Variants in STXBP5L observed in about 807,000 individuals in gnomAD.
STXBP5L encodes the protein syntaxin-binding protein 5-like.
In STXBP5L, 65 loss-of-function variants were observed where a neutral mutation model predicts 144.5. The ratio of observed to expected loss-of-function variants is 0.45; its 90% CI spans 0.37 to 0.55. The LOEUF (loss-of-function observed/expected upper bound fraction) is 0.55. STXBP5L is among the 20% of genes least tolerant of loss of function. STXBP5L has a pLI of 0.00. For missense variants in STXBP5L, 1,298 were observed against 1,405.5 expected (o/e 0.92, Z 1.22); for synonymous variants, 505 against 469.6 (o/e 1.08, Z -0.97).
intron 5 of STXBP5L, among the ~76,000 whole-genome samples, chr3:121,094,755 G>T (rs1017768457): frequency 2.6e-5 from 4 of 152,076 alleles, no homozygotes; most frequent in Non-Finnish European, 5.9e-5. Flanking sequence ...TTTAATTGGA[G>T]CATGTAGTCC....
intron 3 of STXBP5L, among the ~76,000 whole-genome samples, chr3:121,005,234 T>G (rs1315446485): frequency 2.0e-5 from 3 of 152,172 alleles, no homozygotes; most frequent in African/African-American, 7.2e-5. Flanking sequence ...TCAGAGCCTG[T>G]TTTTGGTCTA....
intron 9 of STXBP5L, chr3:121,158,868 T>C (rs1011028777): frequency 2.6e-5 from 4 of 152,218 alleles, no homozygotes; most frequent in African/African-American, 9.6e-5. Context: ...TTGATACTTT[T>C]ATTTTTTTTA....
At chr3:120,921,872 G>A (rs1709374873) in intron 2 of STXBP5L, among the ~76,000 whole-genome samples, 1 of 151,990 alleles carries the variant, frequency 6.6e-6, no homozygotes, top group South Asian at 2.1e-4. Context: ...CTTTAGGTCT[G>A]TAGTATATTT....
chr3:120,989,412 A>T (rs1267314002), intron 3 of STXBP5L, among the ~76,000 whole-genome samples: 1 of 152,012 alleles, frequency 6.6e-6, no homozygotes, highest in Non-Finnish European at 1.5e-5. Flanking sequence ...TCATATGTTT[A>T]TTCGCAATTT....
At chr3:121,354,317 A>C (rs1010653814) in intron 20 of STXBP5L, among the ~76,000 whole-genome samples, 27 of 152,080 alleles carry the variant, frequency 1.8e-4, no homozygotes, top group African/African-American at 6.5e-4. Flanking sequence ...TGGGAGCCTA[A>C]GTCTCTTTGT....
In STXBP5L at chr3:121,045,514, C is replaced by G. The variant is rs1947454841; in HGVS notation, c.449C>G (p.Ser150Cys). The G allele has an allele frequency of 6.2e-7, 1 of 1,612,306 alleles. No homozygotes were observed. Among genetic ancestry groups the G allele is most frequent in the Non-Finnish European group, 8.5e-7 (1 of 1,179,182 alleles). Residue 150 changes from serine to cysteine, a missense_variant, in exon 5 of 27, where the codon TCT becomes TGT. Coordinates refer to ENST00000471454, the MANE Select transcript of STXBP5L (RefSeq NM_001308330.2). ...LRQKRPAILH[S>C]LKFNRERITY... ...CAAAAAAGGCCAGCCATACTCCATTCTCTTAAATTTAACCGGGAACGGTAA... is the reference window on the plus strand; with the variant it reads ...CAAAAAAGGCCAGCCATACTCCATTGTCTTAAATTTAACCGGGAACGGTAA...
intron 20 of STXBP5L, among the ~76,000 whole-genome samples, chr3:121,351,999 T>G (rs1015056206): frequency 1.2e-4 from 19 of 152,240 alleles, no homozygotes; most frequent in Non-Finnish European, 2.4e-4. Context: ...ATTGTAGATG[T>G]GTAGTGTTAT....
At chr3:121,258,720 A>G (rs2050289520) in intron 17 of STXBP5L, among the ~76,000 whole-genome samples, 1 of 152,150 alleles carries the variant, frequency 6.6e-6, no homozygotes, top group Non-Finnish European at 1.5e-5. Flanking sequence ...TATAACTGAT[A>G]TATATGTAAC....
rs550793910 is a variant in STXBP5L at position 121,309,139 on chromosome 3, G to A, written c.2111-9336G>A. On this transcript the variant is annotated intron_variant, in intron 19 of 26. Transcript: ENST00000471454. ...GAGAAAACCAAAAGGAAAATGACAA[G>A]TGTAACCCAACTATATCAATAATAT... Among the ~76,000 whole-genome samples, 14 of 152,020 alleles carry A rather than the reference G, an allele frequency of 9.2e-5. No individual in the cohort carries two copies. In the South Asian group the frequency reaches 1.9e-3, roughly 20 times the overall value.
intron 3 of STXBP5L, among the ~76,000 whole-genome samples, chr3:120,963,087 G>T (rs1163398505): frequency 1.3e-5 from 2 of 152,146 alleles, no homozygotes; most frequent in African/African-American, 2.4e-5. Flanking sequence ...GTCTGTTAAT[G>T]GTGTATAAGA....
chr3:121,421,002 T>C lies in STXBP5L; in HGVS notation c.*1905T>C, dbSNP rs191598300. On this transcript the variant is annotated 3_prime_UTR_variant, in exon 27 of 27. Coordinates refer to ENST00000471454, the MANE Select transcript of STXBP5L (RefSeq NM_001308330.2). ...CAGACTCCTGTGAACAGCCTTACGG[T>C]AACAGAATCTGGCTTGGAAACACAG... is the stretch of plus-strand genomic sequence containing the variant. 8 of 152,128 alleles carry C rather than the reference T, an allele frequency of 5.3e-5. No homozygotes were observed. The East Asian group carries it at 1.5e-3, about 29-fold the overall frequency. 9.4% of individuals were successfully genotyped at this position (152,128 alleles called of 1,614,324 possible).
rs369995463 is a variant in STXBP5L, at chr3:120,959,521, G to C, written c.287+4484G>C. Among the ~76,000 whole-genome samples the C allele has an allele frequency of 5.3e-5, 8 of 151,998 alleles. No homozygotes were observed. In the East Asian group the frequency reaches 5.8e-4, roughly 11 times the overall value. On this transcript the variant is annotated intron_variant, in intron 3 of 26. Transcript: ENST00000471454. ...AAACTATACTACAAGGCTACAGTAA[G>C]CAAAACAGCATGGTACTGGTACCAA...
chr3:121,103,769 G>A (rs1447088705), intron 5 of STXBP5L, among the ~76,000 whole-genome samples: 1 of 152,076 alleles, frequency 6.6e-6, no homozygotes, highest in African/African-American at 2.4e-5. Context: ...GACTTCTGTT[G>A]GTTAAGAGAA....
intron 9 of STXBP5L, among the ~76,000 whole-genome samples, chr3:121,189,061 CCA>C (rs973164329): frequency 6.6e-6 from 1 of 152,124 alleles, no homozygotes; most frequent in Non-Finnish European, 1.5e-5. Context: ...TTAGAAAACC[CCA>C]TTGTCTTCAC....
intron 3 of STXBP5L, among the ~76,000 whole-genome samples, chr3:120,989,994 A>G (rs1317217492): frequency 6.6e-6 from 1 of 152,156 alleles, no homozygotes; most frequent in South Asian, 2.1e-4. Flanking sequence ...AGGGTATTCA[A>G]TTAGGAAACG....
chr3:121,345,215 T>C (rs1046078230), intron 20 of STXBP5L, among the ~76,000 whole-genome samples: 8 of 152,028 alleles, frequency 5.3e-5, no homozygotes, highest in Non-Finnish European at 8.8e-5. Flanking sequence ...TGTATCCAAG[T>C]GATCTCATTG....
At chr3:121,201,552 T>C (rs1168646968) in intron 9 of STXBP5L, among the ~76,000 whole-genome samples, 1 of 152,212 alleles carries the variant, frequency 6.6e-6, no homozygotes, top group Non-Finnish European at 1.5e-5. Context: ...GATCCTATAA[T>C]TATGACGCTA....
chr3:121,192,325 C>A (rs1245872726), intron 9 of STXBP5L, among the ~76,000 whole-genome samples: 1 of 152,044 alleles, frequency 6.6e-6, no homozygotes, highest in Non-Finnish European at 1.5e-5. Context: ...TAAAAGGGGA[C>A]ACAAACAAAT....
intron 5 of STXBP5L, among the ~76,000 whole-genome samples, chr3:121,109,623 A>G (rs1576983260): frequency 6.6e-6 from 1 of 152,096 alleles, no homozygotes; most frequent in Admixed American, 6.6e-5. Flanking sequence ...TTGCTGAGGA[A>G]CGTTTTACTT....
Sources: gnomAD v4.1 joint callset for allele counts (sites outside exome capture counted in the v4.1 genomes callset) on GRCh38, gnomAD v4.1.1 for gene constraint, MANE v1.5 for transcripts, NCBI Gene and HGNC (gene_info 2026-07-23, HGNC 2026-07-21) for gene names.